Variants in SAMD4A observed in about 807,000 individuals in gnomAD.
SAMD4A encodes the protein protein Smaug homolog 1.
Under a neutral mutation model 81.3 loss-of-function variants are expected in SAMD4A, and 33 were observed. The observed-to-expected ratio is 0.41, with a 90% confidence interval of 0.31 to 0.54. The LOEUF (loss-of-function observed/expected upper bound fraction) is 0.54. SAMD4A is among the 20% of genes least tolerant of loss of function. The pLI is 0.37. For synonymous variants in SAMD4A, 389 were observed against 382.1 expected (o/e 1.02, Z -0.21); for missense variants, 854 against 951.1 (o/e 0.90, Z 1.34).
intron 4 of SAMD4A, among the ~76,000 whole-genome samples, chr14:54,739,672 T>A (rs1365709789): frequency 6.6e-6 from 1 of 152,154 alleles, no homozygotes; most frequent in Non-Finnish European, 1.5e-5. Context: ...CGGGCCAGTA[T>A]TTGTTCAATA....
rs1421625392 is a variant in SAMD4A at position 54,791,800 on chromosome 14, G to T, written c.*2856G>T. On this transcript the variant is annotated 3_prime_UTR_variant, in exon 13 of 13. Transcript: ENST00000554335. The stretch of plus-strand genomic sequence containing the variant: ...TTATTTATAAAAGAATCAAACAGTT[G>T]CATGCATGAGGCTGTGAAGTCAGAT... 6.6e-6 allele frequency: 1 copy of T among 152,136 alleles called. No homozygotes were observed. The highest frequency in any genetic ancestry group is 1.9e-4 in the East Asian group (1 of 5,202). The allele number at this position is 152,136 out of a possible 1,614,324, so 9.4% of individuals were successfully genotyped here.
intron 2 of SAMD4A, among the ~76,000 whole-genome samples, chr14:54,616,935 G>T (rs1447454971): frequency 6.6e-6 from 1 of 152,150 alleles, no homozygotes; most frequent in Non-Finnish European, 1.5e-5. Context: ...ATATGACCTA[G>T]TGAAAGCTGA....
intron 11 of SAMD4A, among the ~76,000 whole-genome samples, chr14:54,783,502 G>C (rs2039055139): frequency 6.6e-6 from 1 of 152,234 alleles, no homozygotes; most frequent in Non-Finnish European, 1.5e-5. Flanking sequence ...TGGTAGAGGG[G>C]AGATTGTGGT....
intron 2 of SAMD4A, among the ~76,000 whole-genome samples, chr14:54,592,606 G>A (rs897100838): frequency 2.6e-5 from 4 of 152,000 alleles, no homozygotes; most frequent in African/African-American, 9.7e-5. Flanking sequence ...ACTACAGGTG[G>A]CCGCTACCAC....
Position 54,757,445 on chromosome 14 carries a change from T to TTGTTC in SAMD4A, c.1177-2716_1177-2715insTGTTC, listed in dbSNP as rs774829065. On this transcript the variant is annotated intron_variant, in intron 6 of 12. Transcript: ENST00000554335. ...TGTGTGTGTTTTGTTTTGTTTTGTT[T>TTGTTC]GGTGTGGTTGCCTCCAATAGAAGAA... 5.5e-3 allele frequency among the ~76,000 whole-genome samples: 821 copies of TTGTTC among 150,474 alleles called. 2 individuals carry two copies. The highest frequency in any genetic ancestry group is 8.7e-3 in the Non-Finnish European group (585 of 67,558).
chr14:54,714,706 C>T (rs2037076020), intron 3 of SAMD4A, among the ~76,000 whole-genome samples: 1 of 152,138 alleles, frequency 6.6e-6, no homozygotes. Flanking sequence ...GTGTAAAGCA[C>T]TTGCCAGTAG....
At chr14:54,760,050 GTACCAGCAGCCA>G in intron 6 of SAMD4A, 99 bp from the exon 7 acceptor site, 1 of 1,106,534 alleles carries the variant, frequency 9.0e-7, no homozygotes, top group Non-Finnish European at 1.3e-6. Context: ...CCTGATGAGG[GTACCAGCAGCCA>G]CGAATCCTGT....
At chr14:54,575,143 A>G (rs917099327) in intron 2 of SAMD4A, among the ~76,000 whole-genome samples, 2 of 152,100 alleles carry the variant, frequency 1.3e-5, no homozygotes, top group African/African-American at 4.8e-5. Context: ...CTACTCCCCA[A>G]ACCTAAGTGT....
chr14:54,737,998 A>G (rs2037743671), intron 4 of SAMD4A, among the ~76,000 whole-genome samples: 1 of 152,168 alleles, frequency 6.6e-6, no homozygotes, highest in South Asian at 2.1e-4. Context: ...CAAATTACTT[A>G]TGATAGGTAC....
At chr14:54,619,197 T>C (rs1039442624) in intron 2 of SAMD4A, among the ~76,000 whole-genome samples, 13 of 152,232 alleles carry the variant, frequency 8.5e-5, no homozygotes, top group Non-Finnish European at 1.5e-4. Flanking sequence ...TAAGTCAAAA[T>C]GTTAATTCAT....
chr14:54,719,204 ATTT>A (rs1228138361), intron 3 of SAMD4A, among the ~76,000 whole-genome samples: 1 of 151,914 alleles, frequency 6.6e-6, no homozygotes, highest in African/African-American at 2.4e-5. Context: ...TGACACCCAG[ATTT>A]ATCTTCAACT....
chr14:54,578,617 C>T (rs2033376134), intron 2 of SAMD4A, among the ~76,000 whole-genome samples: 1 of 151,830 alleles, frequency 6.6e-6, no homozygotes, highest in Admixed American at 6.6e-5. Flanking sequence ...GAGGCTGAGG[C>T]AGGAGAATTG....
chr14:54,630,663 G>A (rs1031797653), intron 2 of SAMD4A, among the ~76,000 whole-genome samples: 2 of 151,968 alleles, frequency 1.3e-5, no homozygotes, highest in Non-Finnish European at 2.9e-5. Context: ...TGGTGGTGGT[G>A]GTCATGGGGA....
At chr14:54,695,015 A>G in intron 2 of SAMD4A, 3 of 609,520 alleles carry the variant, frequency 4.9e-6, no homozygotes, top group Non-Finnish European at 6.2e-6. Flanking sequence ...AATGACCAGC[A>G]CCTGATGACC....
At chr14:54,585,189 A>T (rs988285112) in intron 2 of SAMD4A, among the ~76,000 whole-genome samples, 2 of 152,084 alleles carry the variant, frequency 1.3e-5, no homozygotes, top group Non-Finnish European at 1.5e-5. Context: ...ACCATCATAA[A>T]CTCTTTTATG....
intron 4 of SAMD4A, among the ~76,000 whole-genome samples, chr14:54,740,371 C>T (rs112770523): frequency 7.9e-5 from 12 of 152,244 alleles, no homozygotes; most frequent in East Asian, 1.9e-4. Flanking sequence ...TTATTCTAAT[C>T]GTTAAACGTC....
At chr14:54,674,910 A>C (rs2359359) in intron 2 of SAMD4A, among the ~76,000 whole-genome samples, 22,377 of 152,112 alleles carry the variant, frequency 0.15, 1,993 homozygotes, top group African/African-American at 0.24. Flanking sequence ...CATGATGCCC[A>C]GCGAATTTTG....
chr14:54,729,027 A>G (rs923483432), intron 3 of SAMD4A, among the ~76,000 whole-genome samples: 6 of 152,126 alleles, frequency 3.9e-5, no homozygotes, highest in African/African-American at 1.4e-4. Flanking sequence ...ATCCTTTGGT[A>G]CCTCCATTCA....
At chr14:54,669,321 C>T (rs912463646) in intron 2 of SAMD4A, among the ~76,000 whole-genome samples, 2 of 151,940 alleles carry the variant, frequency 1.3e-5, no homozygotes, top group South Asian at 2.1e-4. Context: ...CTGCTTTCCA[C>T]GGAATGCTCA....
Sources: gnomAD v4.1 joint callset for allele counts (sites outside exome capture counted in the v4.1 genomes callset) on GRCh38, gnomAD v4.1.1 for gene constraint, MANE v1.5 for transcripts, NCBI Gene and HGNC (gene_info 2026-07-23, HGNC 2026-07-21) for gene names.